The following SGCZ variants were observed in gnomAD, a reference collection of about 807,000 sequenced individuals.
SGCZ encodes sarcoglycan zeta.
In SGCZ, 40 loss-of-function variants were observed where a neutral mutation model predicts 41.3. That is an observed-to-expected ratio of 0.97 (90% CI 0.75 to 1.26). The LOEUF (loss-of-function observed/expected upper bound fraction) is 1.26. Ranked by LOEUF, SGCZ falls within the 50% of genes most tolerant of loss-of-function variation. The pLI, the probability that SGCZ is intolerant of heterozygous loss-of-function variation, is 0.00. For missense variants in SGCZ, 552 were observed against 369.8 expected (o/e 1.49, Z -4.04); for synonymous variants, 206 against 137.5 (o/e 1.50, Z -3.49).
Position 14,367,662 on chromosome 8 carries a change from C to G in SGCZ, c.235-43458G>C, listed in dbSNP as rs1053730342. 2.0e-5 allele frequency among the ~76,000 whole-genome samples: 3 copies of G among 152,056 alleles called. No homozygotes were observed. In the South Asian group the frequency reaches 6.2e-4, roughly 32 times the overall value. On this transcript the variant is annotated intron_variant, in intron 2 of 7. Coordinates refer to ENST00000382080, the MANE Select transcript of SGCZ (RefSeq NM_139167.4). The stretch of plus-strand genomic sequence containing the variant: ...AGAGCATGTGTAAGCACAGGAAAAA[C>G]TACCATTTATAAAGCCATCAGTTCT...
Position 14,133,642 on chromosome 8 carries a change from A to AT in SGCZ, c.548-25408dup, listed in dbSNP as rs573617528. ...AAAAAACTCCTCAAAGATTTTTACC[A>AT]TTTTGAAGTCACTTTTTTACTATTT... On this transcript the variant is annotated intron_variant, in intron 5 of 7. Transcript: ENST00000382080. Among the ~76,000 whole-genome samples, 373 of 152,324 alleles carry AT rather than the reference A, an allele frequency of 2.4e-3. 1 individual carries two copies. The highest frequency in any genetic ancestry group is 8.3e-3 in the African/African-American group (347 of 41,584).
At chr8:14,645,322 T>A (rs979213646) in intron 1 of SGCZ, among the ~76,000 whole-genome samples, 254 of 151,218 alleles carry the variant, frequency 1.7e-3, no homozygotes, top group Non-Finnish European at 2.6e-3. Context: ...CATGATTTTT[T>A]AAATTTTTAC....
intron 1 of SGCZ, among the ~76,000 whole-genome samples, chr8:15,000,103 C>A (rs1465970909): frequency 6.6e-6 from 1 of 152,002 alleles, no homozygotes. Flanking sequence ...ATAGGACACC[C>A]AAAGAGGCAC....
chr8:15,060,978 A>G (rs1394391858), intron 1 of SGCZ, among the ~76,000 whole-genome samples: 7 of 152,144 alleles, frequency 4.6e-5, no homozygotes, highest in Admixed American at 4.6e-4. Flanking sequence ...TACAAAAGAT[A>G]TGGGTTTCCT....
chr8:14,705,775 T>A (rs2117610578), intron 1 of SGCZ, among the ~76,000 whole-genome samples: 1 of 152,166 alleles, frequency 6.6e-6, no homozygotes, highest in East Asian at 1.9e-4. Context: ...TTTTTCTGAA[T>A]AATTAATTCG....
rs928829199 is a variant in SGCZ at position 14,989,147 on chromosome 8, A to G, written c.39+248438T>C. On this transcript the variant is annotated intron_variant, in intron 1 of 7. Coordinates refer to ENST00000382080, the MANE Select transcript of SGCZ (RefSeq NM_139167.4). Reference sequence around the variant, plus strand: ...GTTAAGTTTATGGGATTCCCAGAGGAGAAGGGTCTGTGGACTACTTTTGAG... The same window carrying G: ...GTTAAGTTTATGGGATTCCCAGAGGGGAAGGGTCTGTGGACTACTTTTGAG... Among the ~76,000 whole-genome samples the G allele has an allele frequency of 5.9e-5, 9 of 152,156 alleles. No individual in the cohort carries two copies. The East Asian group carries it at 1.7e-3, about 29-fold the overall frequency.
intron 1 of SGCZ, among the ~76,000 whole-genome samples, chr8:14,875,140 G>C (rs1262555520): frequency 1.3e-5 from 2 of 152,104 alleles, no homozygotes; most frequent in African/African-American, 4.8e-5. Context: ...GTGCCAGCTA[G>C]GTAGGTTTTG....
intron 2 of SGCZ, among the ~76,000 whole-genome samples, chr8:14,490,111 C>T (rs1801801057): frequency 6.6e-6 from 1 of 152,156 alleles, no homozygotes; most frequent in South Asian, 2.1e-4. Flanking sequence ...TGTGATCCAC[C>T]CGCCTTGGCC....
intron 1 of SGCZ, among the ~76,000 whole-genome samples, chr8:15,049,269 G>A (rs1804428457): frequency 6.6e-6 from 1 of 152,104 alleles, no homozygotes; most frequent in Admixed American, 6.6e-5. Context: ...GAGCATTTAA[G>A]GGAGGAAATT....
chr8:14,924,978 C>T (rs1423041669), intron 1 of SGCZ, among the ~76,000 whole-genome samples: 1 of 151,588 alleles, frequency 6.6e-6, no homozygotes, highest in Non-Finnish European at 1.5e-5. Context: ...GTGCCTCAGC[C>T]TCCCGAGTAG....
chr8:14,888,469 G>A (rs1222412631), intron 1 of SGCZ, among the ~76,000 whole-genome samples: 1 of 152,150 alleles, frequency 6.6e-6, no homozygotes, highest in Non-Finnish European at 1.5e-5. Context: ...AGGAAAAGAA[G>A]TGAAAGAATA....
chr8:14,460,686 C>T (rs1800877363), intron 2 of SGCZ, among the ~76,000 whole-genome samples: 1 of 152,084 alleles, frequency 6.6e-6, no homozygotes, highest in Admixed American at 6.6e-5. Context: ...GATTTTGTCC[C>T]TGCTTTGCCT....
chr8:15,031,795 A>T (rs1803672864), intron 1 of SGCZ, among the ~76,000 whole-genome samples: 1 of 152,174 alleles, frequency 6.6e-6, no homozygotes, highest in South Asian at 2.1e-4. Flanking sequence ...TGAACAGGAT[A>T]CATGAGGACA....
chr8:14,440,671 GTATA>G (rs1800223975), intron 2 of SGCZ, among the ~76,000 whole-genome samples: 1 of 93,338 alleles, frequency 1.1e-5, no homozygotes, highest in Non-Finnish European at 2.4e-5. Context: ...GTGTCTGTAT[GTATA>G]TACATACGTA....
At chr8:15,002,112 G>A (rs1260126100) in intron 1 of SGCZ, among the ~76,000 whole-genome samples, 1 of 151,428 alleles carries the variant, frequency 6.6e-6, no homozygotes, top group Non-Finnish European at 1.5e-5. Flanking sequence ...TGAGAAGTAA[G>A]ACACATAGAG....
intron 1 of SGCZ, among the ~76,000 whole-genome samples, chr8:14,575,144 G>C (rs1038203365): frequency 6.6e-6 from 1 of 152,176 alleles, no homozygotes; most frequent in Non-Finnish European, 1.5e-5. Context: ...GTGAAGACTG[G>C]AGAATAAATA....
At chr8:14,677,561 A>G (rs577698880) in intron 1 of SGCZ, among the ~76,000 whole-genome samples, 71 of 152,146 alleles carry the variant, frequency 4.7e-4, no homozygotes, top group Non-Finnish European at 8.4e-4. Context: ...ACTTGAGGCC[A>G]GGAGTTAGAG....
At chr8:14,746,253 T>C (rs980728606) in intron 1 of SGCZ, among the ~76,000 whole-genome samples, 1 of 152,118 alleles carries the variant, frequency 6.6e-6, no homozygotes. Context: ...TTTTATTCCA[T>C]TTGTTCTTTA....
intron 2 of SGCZ, among the ~76,000 whole-genome samples, chr8:14,347,390 T>C (rs544881186): frequency 6.6e-6 from 1 of 152,270 alleles, no homozygotes; most frequent in South Asian, 2.1e-4. Flanking sequence ...TTCATTAAAT[T>C]ATTAATTGTT....
Sources: allele counts gnomAD v4.1 joint callset (sites outside exome capture counted in the v4.1 genomes callset), GRCh38; gene constraint gnomAD v4.1.1; transcripts MANE v1.5; gene names NCBI Gene and HGNC (gene_info 2026-07-23, HGNC 2026-07-21).